Variants in IPPK observed in about 807,000 individuals in gnomAD.
The protein encoded by IPPK is IPK1 homolog.
IPPK carries 22 observed loss-of-function variants against 64.6 expected under a neutral mutation model. That is an observed-to-expected ratio of 0.34 (90% CI 0.24 to 0.49). The LOEUF is 0.49. Ranked by LOEUF, IPPK falls within the 20% of genes least tolerant of loss-of-function variation. IPPK has a pLI of 0.99. For synonymous variants in IPPK, 262 were observed against 247.2 expected (o/e 1.06, Z -0.56); for missense variants, 532 against 630.7 (o/e 0.84, Z 1.68).
chr9:92,656,608 C>T, intron 2 of IPPK, 57 bp from the exon 3 acceptor site: 2 of 1,199,798 alleles, frequency 1.7e-6, no homozygotes, highest in Middle Eastern at 1.9e-4. Context: ...CAGAGCCTTG[C>T]TTGAGGGGAG....
chr9:92,652,949 C>A (rs1255200796), intron 3 of IPPK, among the ~76,000 whole-genome samples: 1 of 152,224 alleles, frequency 6.6e-6, no homozygotes, highest in Non-Finnish European at 1.5e-5. Context: ...TCTCTCGCCA[C>A]AAAGCACCCC....
chr9:92,659,486 T>C (rs1274978919), intron 1 of IPPK, among the ~76,000 whole-genome samples: 1 of 152,258 alleles, frequency 6.6e-6, no homozygotes, highest in Non-Finnish European at 1.5e-5. Flanking sequence ...TTCTTTTTAA[T>C]TTATCTTTAT....
chr9:92,634,582 A>C, intron 10 of IPPK, 94 bp from the exon 11 acceptor site: 1 of 821,286 alleles, frequency 1.2e-6, no homozygotes, highest in Non-Finnish European at 2.1e-6. Flanking sequence ...GCACCACTAA[A>C]CATCACACAT....
intron 8 of IPPK, among the ~76,000 whole-genome samples, chr9:92,639,025 A>G (rs1283032017): frequency 1.3e-5 from 2 of 152,078 alleles, no homozygotes; most frequent in African/African-American, 2.4e-5. Flanking sequence ...CAACTCTTTA[A>G]ACCTTATTTA....
chr9:92,660,686 C>T (rs1042265176), intron 1 of IPPK, among the ~76,000 whole-genome samples: 1 of 152,212 alleles, frequency 6.6e-6, no homozygotes, highest in Non-Finnish European at 1.5e-5. Flanking sequence ...CAGGACCCCC[C>T]TCCCCTGGCA....
chr9:92,661,436 C>A (rs1350835974), intron 1 of IPPK, among the ~76,000 whole-genome samples: 2 of 152,168 alleles, frequency 1.3e-5, no homozygotes, highest in Non-Finnish European at 2.9e-5. Flanking sequence ...TACTGTGCTG[C>A]CCCCCAGGAG....
At position 92,642,762 on chromosome 9, in the gene IPPK, G is replaced by A; in HGVS notation, c.553C>T (p.Leu185Phe). Reference protein sequence around the residue: ...KQISKYCPLDLYSGNKQRMHF... With the variant: ...KQISKYCPLDFYSGNKQRMHF... ...GAAGTGTTCTCTTACCCTGAGTAGA[G>A]ATCAAGGGGACAGTATTTGCTGATC... The change falls in exon 7 of 13, where the codon CTC becomes TTC. Residue 185 changes from leucine (L) to phenylalanine (F), a missense_variant. Leu to Phe is a conservative substitution (Grantham distance 22). Transcript: ENST00000287996. 1 of 1,613,900 alleles carries A rather than the reference G, an allele frequency of 6.2e-7. No homozygotes were observed.
At chr9:92,663,124 G>A (rs1852520669) in intron 1 of IPPK, among the ~76,000 whole-genome samples, 1 of 152,198 alleles carries the variant, frequency 6.6e-6, no homozygotes, top group African/African-American at 2.4e-5. Context: ...CAGATACGTA[G>A]TGTTGTTAAC....
rs553134381 is a variant in IPPK at position 92,643,895 on chromosome 9, T to C, written c.505-1085A>G. Among the ~76,000 whole-genome samples, 4 of 152,370 alleles carry C rather than the reference T, an allele frequency of 2.6e-5. No homozygotes were observed. In the East Asian group the frequency reaches 7.7e-4, roughly 29 times the overall value. On this transcript the variant is annotated intron_variant, in intron 6 of 12. Coordinates refer to ENST00000287996, the MANE Select transcript of IPPK (RefSeq NM_022755.6). ...AATATATCTGACAATATGAGTTACC[T>C]GGGAAGGCAGGTAATCCAATTCATG...
rs751399192 is a variant in IPPK at position 92,656,460 on chromosome 9, TA to T, written c.220del (p.Tyr74MetfsTer9). On this transcript the variant is annotated frameshift_variant, in exon 3 of 13. Transcript: ENST00000287996. LOFTEE classifies it high-confidence loss of function. ...ATGTGAATAAAAAGCACTTACCCCA[TA>T]ATGAACATAGTTCTCCCCCAAAAAC... is the stretch of plus-strand genomic sequence containing the variant. ...KEFLGENYVH[Y>X]GEVVQLPLEF... 6.2e-7 allele frequency: 1 copy of T among 1,602,324 alleles called. No individual in the cohort carries two copies. Among genetic ancestry groups the T allele is most frequent in the Admixed American group, 1.7e-5 (1 of 60,016 alleles).
rs144720294 is a variant in IPPK, at chr9:92,616,005, C to A, written c.1303G>T (p.Val435Leu). The A allele has an allele frequency of 1.9e-6, 3 of 1,614,010 alleles. No individual in the cohort carries two copies. Among genetic ancestry groups the A allele is most frequent in the Non-Finnish European group, 1.7e-6 (2 of 1,180,024 alleles). Residue 435 changes from valine to leucine, a missense_variant, in exon 13 of 13, where the codon GTG becomes TTG. Transcript: ENST00000287996. ...TTGAGGTCAAGGTCCAGCACAGACA[C>A]GGAAAAGGCAAACCTGGACCTCGAT... ...PSSRSRFAFS[V>L]SVLDLDLKPY...
chr9:92,667,864 C>A (rs1852632278), intron 1 of IPPK, among the ~76,000 whole-genome samples: 1 of 151,896 alleles, frequency 6.6e-6, no homozygotes, highest in African/African-American at 2.4e-5. Flanking sequence ...GATTGCGCCA[C>A]TGCAGTCCAG....
chr9:92,641,075 C>G (rs987841463), intron 7 of IPPK, among the ~76,000 whole-genome samples: 31 of 152,340 alleles, frequency 2.0e-4, no homozygotes, highest in African/African-American at 7.5e-4. Flanking sequence ...AACTGAGGCA[C>G]AGGAGTGGGA....
chr9:92,652,714 T>A, intron 3 of IPPK, 75 bp from the exon 4 acceptor site: 1 of 682,126 alleles, frequency 1.5e-6, no homozygotes, highest in Non-Finnish European at 2.5e-6. Context: ...ACTGCATGCC[T>A]AAAAACAGTT....
intron 6 of IPPK, among the ~76,000 whole-genome samples, chr9:92,646,138 CTT>C (rs1037789082): frequency 1.3e-5 from 2 of 152,148 alleles, no homozygotes; most frequent in African/African-American, 4.8e-5. Flanking sequence ...AGGAGCAAAA[CTT>C]TGTCTATGAT....
chr9:92,664,588 G>A (rs1009831853), intron 1 of IPPK, among the ~76,000 whole-genome samples: 38 of 152,318 alleles, frequency 2.5e-4, no homozygotes, highest in African/African-American at 8.4e-4. Flanking sequence ...GTGGGGATAG[G>A]CACACCTCGT....
chr9:92,647,213 C>T (rs1222260651), intron 6 of IPPK, among the ~76,000 whole-genome samples: 2 of 152,110 alleles, frequency 1.3e-5, no homozygotes, highest in Non-Finnish European at 2.9e-5. Context: ...ACCAAAAAAA[C>T]CCACTCAGGA....
Position 92,615,925 on chromosome 9 carries a change from A to G in IPPK, c.1383T>C (p.Tyr461=). Residue 461 remains tyrosine (Y), a synonymous_variant, in exon 13 of 13, where the codon TAT becomes TAC. Coordinates refer to ENST00000287996, the MANE Select transcript of IPPK (RefSeq NM_022755.6). ...QYKLDGKIVN[Y]YSKTVRAKDN... ...CTTTGGCACGTACAGTCTTTGAATA[A>G]TAGTTGACGATCTTGCCGTCCAGTT... The G allele has an allele frequency of 1.2e-6, 2 of 1,614,162 alleles. No individual in the cohort carries two copies. The highest frequency in any genetic ancestry group is 2.2e-5 in the South Asian group (2 of 91,068).
chr9:92,641,821 G>T (rs1261256972), intron 7 of IPPK, among the ~76,000 whole-genome samples: 6 of 152,216 alleles, frequency 3.9e-5, no homozygotes, highest in Admixed American at 3.9e-4. Flanking sequence ...GACAGCAGGG[G>T]AAGAAAGAGG....
Sources: allele counts gnomAD v4.1 joint callset (sites outside exome capture counted in the v4.1 genomes callset), GRCh38; gene constraint gnomAD v4.1.1; transcripts MANE v1.5; gene names NCBI Gene and HGNC (gene_info 2026-07-23, HGNC 2026-07-21).